Variants in ADAD1 observed in about 807,000 individuals in gnomAD.
The protein encoded by ADAD1 is adenosine deaminase domain containing 1, also known as adenosine deaminase domain-containing protein 1.
In ADAD1, 46 loss-of-function variants were observed where a neutral mutation model predicts 66.8. That is an observed-to-expected ratio of 0.69 (90% confidence interval 0.54 to 0.88). The LOEUF is 0.88. Among genes scored for constraint, ADAD1 ranks in the 40% least tolerant of loss-of-function variants. The pLI, the probability that ADAD1 is intolerant of heterozygous loss-of-function variation, is 0.00. For synonymous variants in ADAD1, 248 were observed against 229.4 expected (o/e 1.08, Z -0.73); for missense variants, 617 against 681.8 (o/e 0.91, Z 1.06).
chr4:122,392,291 A>T (rs568945412), intron 5 of ADAD1, among the ~76,000 whole-genome samples: 1 of 152,192 alleles, frequency 6.6e-6, no homozygotes, highest in Non-Finnish European at 1.5e-5. Flanking sequence ...AAAGACATCA[A>T]ATCAACCCAG....
intron 7 of ADAD1, among the ~76,000 whole-genome samples, chr4:122,400,184 A>G (rs1218734427): frequency 6.6e-6 from 1 of 152,096 alleles, no homozygotes; most frequent in African/African-American, 2.4e-5. Flanking sequence ...TGTCCCTCCT[A>G]TGCCAATTTT....
At chr4:122,382,074 T>C (rs1057497701) in intron 4 of ADAD1, among the ~76,000 whole-genome samples, 1 of 152,192 alleles carries the variant, frequency 6.6e-6, no homozygotes, top group Non-Finnish European at 1.5e-5. Context: ...TTAACATAGA[T>C]GGTGGTGGTA....
At chr4:122,380,917 G>A in intron 3 of ADAD1, 75 bp from the exon 4 acceptor site, 1 of 1,327,498 alleles carries the variant, frequency 7.5e-7, no homozygotes, top group Non-Finnish European at 1.0e-6. Flanking sequence ...TCCATTTCGG[G>A]GAGGATTTAT....
intron 7 of ADAD1, among the ~76,000 whole-genome samples, chr4:122,402,406 T>G (rs1452334266): frequency 1.3e-5 from 2 of 152,142 alleles, no homozygotes; most frequent in Non-Finnish European, 2.9e-5. Flanking sequence ...ACCTGATGCT[T>G]TTTTCTCACA....
chr4:122,387,996 T>C (rs576250116), intron 5 of ADAD1, among the ~76,000 whole-genome samples: 10 of 152,284 alleles, frequency 6.6e-5, no homozygotes, highest in African/African-American at 2.2e-4. Flanking sequence ...CCTGACCTCG[T>C]GATCCACCCG....
chr4:122,422,109 G>A lies in ADAD1; in HGVS notation c.1617+719G>A, dbSNP rs1797024940. 5.5e-5 allele frequency among the ~76,000 whole-genome samples: 8 copies of A among 145,286 alleles called. No homozygotes were observed. In the South Asian group the frequency reaches 1.7e-3, roughly 31 times the overall value. ...TCTACTTTTTCTTTCTATGTGATAT[G>A]ACATGAACATCCTTTTTTTTTTTTT... is the stretch of plus-strand genomic sequence containing the variant. On this transcript the variant is annotated intron_variant, in intron 12 of 12. Coordinates refer to ENST00000296513, the MANE Select transcript of ADAD1 (RefSeq NM_139243.4).
intron 11 of ADAD1, among the ~76,000 whole-genome samples, chr4:122,416,631 G>A (rs1796747385): frequency 6.6e-6 from 1 of 152,034 alleles, no homozygotes; most frequent in African/African-American, 2.4e-5. Flanking sequence ...TATTTGGGAG[G>A]CTGAGACAGG....
chr4:122,423,010 A>G (rs193191380), intron 12 of ADAD1, among the ~76,000 whole-genome samples: 1 of 151,004 alleles, frequency 6.6e-6, no homozygotes, highest in East Asian at 2.0e-4. Flanking sequence ...AAAAACTGCT[A>G]TTACTTTGAG....
At chr4:122,423,677 A>T (rs1330775428) in intron 12 of ADAD1, among the ~76,000 whole-genome samples, 2 of 152,222 alleles carry the variant, frequency 1.3e-5, no homozygotes, top group African/African-American at 4.8e-5. Context: ...AGTAATCAAG[A>T]CAGTGTGGTA....
At chr4:122,402,428 T>G (rs1242833468) in intron 7 of ADAD1, among the ~76,000 whole-genome samples, 1 of 152,178 alleles carries the variant, frequency 6.6e-6, no homozygotes, top group Admixed American at 6.5e-5. Context: ...CTCTTAAGAT[T>G]CTTTCCTTCA....
At chr4:122,400,991 A>C (rs1341133073) in intron 7 of ADAD1, among the ~76,000 whole-genome samples, 2 of 151,266 alleles carry the variant, frequency 1.3e-5, no homozygotes, top group African/African-American at 4.9e-5. Context: ...TTTTTGTTTC[A>C]ATTTTGTTTA....
chr4:122,381,182 C>T lies in ADAD1; in HGVS notation c.361+2C>T, dbSNP rs1794882801. The T allele has an allele frequency of 3.2e-6, 5 of 1,547,188 alleles. No individual in the cohort carries two copies. In the East Asian group the frequency reaches 9.5e-5, roughly 29 times the overall value. On this transcript the variant is annotated splice_donor_variant, in intron 4 of 12. Coordinates refer to ENST00000296513, the MANE Select transcript of ADAD1 (RefSeq NM_139243.4). LOFTEE classifies it low-confidence loss of function (GC_TO_GT_DONOR). Reference sequence around the variant, plus strand: ...ACCTTAAGGAAACTGTGACAACAGGCAAGTGTAAAATTGTATTTGTCTCAA... The same window carrying T: ...ACCTTAAGGAAACTGTGACAACAGGTAAGTGTAAAATTGTATTTGTCTCAA...
intron 5 of ADAD1, among the ~76,000 whole-genome samples, chr4:122,390,878 C>T (rs1359686034): frequency 6.6e-6 from 1 of 152,196 alleles, no homozygotes; most frequent in Non-Finnish European, 1.5e-5. Context: ...CCATGTGATC[C>T]TCCATTCAGT....
At chr4:122,383,172 C>T (rs942380286) in intron 4 of ADAD1, among the ~76,000 whole-genome samples, 2 of 152,088 alleles carry the variant, frequency 1.3e-5, no homozygotes, top group Non-Finnish European at 2.9e-5. Flanking sequence ...ACTGGACATT[C>T]AGTTTAATTC....
chr4:122,420,338 A>G (rs1796944510), intron 11 of ADAD1, among the ~76,000 whole-genome samples: 1 of 152,218 alleles, frequency 6.6e-6, no homozygotes. Flanking sequence ...ATCTGGGGTC[A>G]ACTGTTGGTC....
intron 6 of ADAD1, among the ~76,000 whole-genome samples, chr4:122,393,973 G>T (rs1452386873): frequency 6.6e-6 from 1 of 152,000 alleles, no homozygotes; most frequent in Non-Finnish European, 1.5e-5. Flanking sequence ...TGTGATACTT[G>T]GAGGTCATTT....
In ADAD1 at chr4:122,429,752, A is replaced by C. The variant is rs1418665183; in HGVS notation, c.*13A>C. 1 of 1,518,696 alleles carries C rather than the reference A, an allele frequency of 6.6e-7. No individual in the cohort carries two copies. The highest frequency in any genetic ancestry group is 9.1e-7 in the Non-Finnish European group (1 of 1,101,074). The allele number at this position is 1,518,696 out of a possible 1,614,324, so 94.1% of individuals were successfully genotyped here. On this transcript the variant is annotated 3_prime_UTR_variant, in exon 13 of 13. Coordinates refer to ENST00000296513, the MANE Select transcript of ADAD1 (RefSeq NM_139243.4). ...ATTTAACATGTGAAATAGGCAATCCATTATCACATTAAAAATCTTGTTTTG... is the reference window on the plus strand; with the variant it reads ...ATTTAACATGTGAAATAGGCAATCCCTTATCACATTAAAAATCTTGTTTTG...
Position 122,415,450 on chromosome 4 carries a change from T to C in ADAD1, c.1321T>C (p.Ser441Pro). The C allele has an allele frequency of 1.2e-6, 2 of 1,613,950 alleles. No individual in the cohort carries two copies. Among genetic ancestry groups the C allele is most frequent in the Non-Finnish European group, 1.7e-6 (2 of 1,179,870 alleles). The change falls in exon 11 of 13, where the codon TCA (serine) becomes CCA (proline). Residue 441 changes from serine to proline, a missense_variant. Coordinates refer to ENST00000296513, the MANE Select transcript of ADAD1 (RefSeq NM_139243.4). Reference protein sequence around the residue: ...IKQRVDDALTSKLPMFYLVNR... With the variant: ...IKQRVDDALTPKLPMFYLVNR... ...GCAACGTGTTGATGATGCACTCACT[T>C]CAAAACTTCCAATGTTTTACTTAGT...
intron 6 of ADAD1, 22 bp downstream of exon 6, chr4:122,393,679 T>C: frequency 6.4e-7 from 1 of 1,555,058 alleles, no homozygotes; most frequent in East Asian, 2.3e-5. Flanking sequence ...TTTTGTGACG[T>C]TCTTCTTTAG....
Sources: allele counts gnomAD v4.1 joint callset (sites outside exome capture counted in the v4.1 genomes callset), GRCh38; gene constraint gnomAD v4.1.1; transcripts MANE v1.5; gene names NCBI Gene and HGNC (gene_info 2026-07-23, HGNC 2026-07-21).